Variants in PSD3 observed in about 807,000 individuals in gnomAD.
The protein encoded by PSD3 is pleckstrin and Sec7 domain containing 3, also known as PH and SEC7 domain-containing protein 3.
PSD3 carries 49 observed loss-of-function variants against 105.5 expected under a neutral mutation model. The ratio of observed to expected loss-of-function variants is 0.46; its 90% CI spans 0.37 to 0.59. The LOEUF is 0.59. Among genes scored for constraint, PSD3 ranks in the 20% least tolerant of loss-of-function variants. PSD3 has a pLI of 0.00. For synonymous variants in PSD3, 557 were observed against 457.8 expected, an observed-to-expected ratio of 1.22 and a Z score of -2.77; for missense variants, 1,561 against 1,263.8, an observed-to-expected ratio of 1.24 and a Z score of -3.57.
upstream of PSD3, among the ~76,000 whole-genome samples, chr8:19,017,065 T>G (rs2129475703): frequency 6.6e-6 from 1 of 150,864 alleles, no homozygotes; most frequent in Non-Finnish European, 1.5e-5. Context: ...TTTTTTTTTT[T>G]TTTTTGAGAC....
intron 1 of PSD3, among the ~76,000 whole-genome samples, chr8:18,937,209 C>T (rs746381949): frequency 1.3e-5 from 2 of 152,180 alleles, no homozygotes; most frequent in Admixed American, 6.5e-5. Flanking sequence ...AATTTCAAGA[C>T]ACAAAGAAAT....
At chr8:18,850,317 T>C (rs1815458827) in intron 4 of PSD3, among the ~76,000 whole-genome samples, 1 of 152,228 alleles carries the variant, frequency 6.6e-6, no homozygotes, top group African/African-American at 2.4e-5. Context: ...CCAGCTGTCA[T>C]GACATCCTTT....
intron 9 of PSD3, among the ~76,000 whole-genome samples, chr8:18,671,565 C>G (rs1473298514): frequency 6.6e-6 from 1 of 152,000 alleles, no homozygotes; most frequent in Admixed American, 6.5e-5. Context: ...TTTAACTATT[C>G]TTCTTTGGAA....
At chr8:18,931,301 G>C (rs1270689236) in intron 2 of PSD3, among the ~76,000 whole-genome samples, 2 of 151,802 alleles carry the variant, frequency 1.3e-5, no homozygotes, top group East Asian at 3.9e-4. Context: ...AAGGAGTCAT[G>C]TATCTACATA....
intron 8 of PSD3, among the ~76,000 whole-genome samples, chr8:18,766,986 G>A (rs563940428): frequency 6.6e-6 from 1 of 152,342 alleles, no homozygotes; most frequent in African/African-American, 2.4e-5. Context: ...GACCGCTGCT[G>A]TGAAGTCACT....
rs1329685984 is a variant in PSD3 at position 18,535,153 on chromosome 8, C to T, written c.*590G>A. Reference sequence around the variant, plus strand: ...TCCTACGATCTTCACGCTTCTTTTCCCTGCTTCCAGCAGGGTCCGATCTCA... The same window carrying T: ...TCCTACGATCTTCACGCTTCTTTTCTCTGCTTCCAGCAGGGTCCGATCTCA... On this transcript the variant is annotated 3_prime_UTR_variant, in exon 16 of 16. Transcript: ENST00000327040. The T allele has an allele frequency of 6.5e-6, 1 of 153,100 alleles. No homozygotes were observed. The highest frequency in any genetic ancestry group is 1.5e-5 in the Non-Finnish European group (1 of 68,426). The allele number at this position is 153,100 out of a possible 1,614,324, so 9.5% of individuals were successfully genotyped here.
intron 9 of PSD3, among the ~76,000 whole-genome samples, chr8:18,676,159 G>C (rs1164420699): frequency 6.6e-6 from 1 of 152,060 alleles, no homozygotes; most frequent in African/African-American, 2.4e-5. Context: ...ATTCTGAAAA[G>C]GATATTACAC....
chr8:18,916,707 T>C (rs1254696340), intron 2 of PSD3, among the ~76,000 whole-genome samples: 1 of 151,894 alleles, frequency 6.6e-6, no homozygotes, highest in African/African-American at 2.4e-5. Flanking sequence ...CACTTGAAAA[T>C]TGCTAAAGGA....
At chr8:18,870,425 T>C (rs963318036) in intron 3 of PSD3, among the ~76,000 whole-genome samples, 1 of 151,950 alleles carries the variant, frequency 6.6e-6, no homozygotes. Context: ...AAATACCACA[T>C]GATGTCAAGT....
intron 1 of PSD3, among the ~76,000 whole-genome samples, chr8:18,954,851 T>A (rs1284531512): frequency 1.3e-5 from 2 of 152,118 alleles, no homozygotes; most frequent in African/African-American, 4.8e-5. Context: ...ACTGCTCTAA[T>A]CCAAGGGAAT....
intron 1 of PSD3, among the ~76,000 whole-genome samples, chr8:19,023,404 T>TTTAC (rs1401404717): frequency 9.5e-6 from 1 of 105,738 alleles, no homozygotes; most frequent in Non-Finnish European, 2.0e-5. Flanking sequence ...TATTTATTTA[T>TTTAC]TTATTTATTT....
chr8:18,676,821 C>G (rs1169827827), intron 9 of PSD3, among the ~76,000 whole-genome samples: 1 of 152,236 alleles, frequency 6.6e-6, no homozygotes, highest in Non-Finnish European at 1.5e-5. Flanking sequence ...AGTCAGAGGA[C>G]CCTGTGCCTC....
chr8:18,807,454 C>T (rs141874755), intron 4 of PSD3, among the ~76,000 whole-genome samples: 314 of 152,346 alleles, frequency 2.1e-3, no homozygotes, highest in Admixed American at 3.4e-3. Context: ...TTAGACTCAA[C>T]TGTGTAAAAA....
intron 1 of PSD3, among the ~76,000 whole-genome samples, chr8:18,994,984 T>C (rs1825997713): frequency 6.6e-6 from 1 of 151,926 alleles, no homozygotes; most frequent in African/African-American, 2.4e-5. Context: ...TAGAGCCATC[T>C]AAGAAGCTTT....
chr8:18,835,185 C>A (rs1814004179), intron 4 of PSD3, among the ~76,000 whole-genome samples: 1 of 152,242 alleles, frequency 6.6e-6, no homozygotes, highest in East Asian at 1.9e-4. Flanking sequence ...TAAGAACCAG[C>A]AATTATATGT....
chr8:18,596,768 G>A (rs1804134169), intron 12 of PSD3, among the ~76,000 whole-genome samples: 1 of 152,056 alleles, frequency 6.6e-6, no homozygotes, highest in African/African-American at 2.4e-5. Flanking sequence ...CTACCAAGAT[G>A]AATTACGGAG....
intron 9 of PSD3, among the ~76,000 whole-genome samples, chr8:18,687,234 C>G (rs1451098838): frequency 1.3e-5 from 2 of 152,134 alleles, no homozygotes; most frequent in South Asian, 4.1e-4. Flanking sequence ...GAGGCCAAGG[C>G]GGGCGGATCA....
intron 9 of PSD3, among the ~76,000 whole-genome samples, chr8:18,682,082 C>T (rs1254874659): frequency 6.6e-6 from 1 of 151,722 alleles, no homozygotes; most frequent in Non-Finnish European, 1.5e-5. Flanking sequence ...GTGTGACAAA[C>T]ACAGAGGACA....
rs1277894619 is a variant in PSD3, at chr8:18,658,549, G to T, written c.2173-2864C>A. Among the ~76,000 whole-genome samples the T allele has an allele frequency of 4.0e-5, 6 of 148,938 alleles. No individual in the cohort carries two copies. The East Asian group carries it at 9.8e-4, about 24-fold the overall frequency. ...CTTTTTTTTTTTTTTTTGAGACAGG[G>T]TCTTGCTTGGTCACCCGGGCTGGAG... is the stretch of plus-strand genomic sequence containing the variant. On this transcript the variant is annotated intron_variant, in intron 9 of 15. Coordinates refer to ENST00000327040, the MANE Select transcript of PSD3 (RefSeq NM_015310.4).
Sources: allele counts gnomAD v4.1 joint callset (sites outside exome capture counted in the v4.1 genomes callset), GRCh38; gene constraint gnomAD v4.1.1; transcripts MANE v1.5; gene names NCBI Gene and HGNC (gene_info 2026-07-23, HGNC 2026-07-21).